The following ARMC9 variants were observed in gnomAD, a reference collection of about 807,000 sequenced individuals.
ARMC9 encodes the protein lisH domain-containing protein ARMC9.
Under a neutral mutation model 107.0 loss-of-function variants are expected in ARMC9, and 94 were observed. The observed-to-expected ratio is 0.88, with a 90% CI of 0.74 to 1.04. The LOEUF is 1.04. Among genes scored for constraint, ARMC9 ranks in the 50% least tolerant of loss-of-function variants. The probability of loss-of-function intolerance (pLI) is 0.00; values close to 1 mark genes in which losing one functional copy is unlikely to be tolerated. For synonymous variants in ARMC9, 380 were observed against 396.9 expected (o/e 0.96, Z 0.51); for missense variants, 942 against 1,030.1 (o/e 0.91, Z 1.17).
At chr2:231,223,857 C>T (rs753191267) in intron 6 of ARMC9, among the ~76,000 whole-genome samples, 20 of 152,306 alleles carry the variant, frequency 1.3e-4, no homozygotes, top group South Asian at 2.1e-4. Context: ...CTACATACCA[C>T]GATGTTTGCA....
chr2:231,338,992 A>G (rs1433999834), intron 20 of ARMC9, among the ~76,000 whole-genome samples: 1 of 152,224 alleles, frequency 6.6e-6, no homozygotes, highest in East Asian at 1.9e-4. Flanking sequence ...TTTTGGCCTC[A>G]CATTTAGTTC....
intron 17 of ARMC9, among the ~76,000 whole-genome samples, chr2:231,282,497 C>T (rs992582435): frequency 1.1e-4 from 16 of 152,236 alleles, no homozygotes; most frequent in African/African-American, 3.6e-4. Flanking sequence ...TGTACGTTAA[C>T]GCTTGTATGT....
At chr2:231,320,267 T>C (rs1294080810) in intron 19 of ARMC9, among the ~76,000 whole-genome samples, 6 of 152,178 alleles carry the variant, frequency 3.9e-5, no homozygotes, top group Admixed American at 3.9e-4. Context: ...CACCTAGATG[T>C]TGAATTGCTG....
intron 14 of ARMC9, among the ~76,000 whole-genome samples, chr2:231,273,861 A>C (rs1046904151): frequency 2.0e-5 from 3 of 152,162 alleles, no homozygotes; most frequent in African/African-American, 7.2e-5. Flanking sequence ...GCACATTTCC[A>C]TCACCACAAA....
At chr2:231,280,286 C>G (rs1431000021) in intron 16 of ARMC9, among the ~76,000 whole-genome samples, 3 of 152,074 alleles carry the variant, frequency 2.0e-5, no homozygotes, top group African/African-American at 7.2e-5. Flanking sequence ...GAAACCCCTT[C>G]TCTCCCACTG....
Position 231,222,837 on chromosome 2 carries a change from A to G in ARMC9, c.597+17A>G. 2.0e-6 allele frequency: 3 copies of G among 1,493,024 alleles called. No homozygotes were observed. In the South Asian group the frequency reaches 3.6e-5, roughly 18 times the overall value. 92.5% of individuals were successfully genotyped at this position (1,493,024 alleles called of 1,614,324 possible). A position where few individuals can be genotyped will look rare whatever the true frequency, so the allele number is the denominator to read the frequency against. On this transcript the variant is annotated intron_variant, in intron 6 of 24. Coordinates refer to ENST00000611582, the MANE Select transcript of ARMC9 (RefSeq NM_001352754.2). ...ACAATATATGTATCCTTTTGAAGCAAATAGAGACCACCTATGGTTTTAGAG... is the reference window on the plus strand; with the variant it reads ...ACAATATATGTATCCTTTTGAAGCAGATAGAGACCACCTATGGTTTTAGAG...
intron 21 of ARMC9, among the ~76,000 whole-genome samples, chr2:231,346,580 ATCTC>A (rs778258278): frequency 2.6e-5 from 4 of 152,004 alleles, no homozygotes; most frequent in African/African-American, 9.7e-5. Context: ...TGTGTGCCCT[ATCTC>A]TCTCTCTTGC....
intron 17 of ARMC9, among the ~76,000 whole-genome samples, chr2:231,290,845 A>C (rs2040936592): frequency 6.6e-6 from 1 of 152,080 alleles, no homozygotes; most frequent in Admixed American, 6.5e-5. Flanking sequence ...AAAATCCAGA[A>C]GACAGTTTAT....
At chr2:231,299,341 A>G (rs1178930787) in intron 19 of ARMC9, among the ~76,000 whole-genome samples, 2 of 152,250 alleles carry the variant, frequency 1.3e-5, no homozygotes, top group African/African-American at 2.4e-5. Context: ...GTATGTGCCT[A>G]TGTAGCGGAA....
chr2:231,351,844 T>C (rs530870349), intron 21 of ARMC9, among the ~76,000 whole-genome samples: 1 of 152,162 alleles, frequency 6.6e-6, no homozygotes, highest in Non-Finnish European at 1.5e-5. Flanking sequence ...AAAAAAATTA[T>C]GACCCTCCCT....
In ARMC9 at chr2:231,370,124, G is replaced by A. The variant is rs1322943210; in HGVS notation, c.2433G>A (p.Pro811=). ...GSTASSTRGL[P]SSQSHRK ...CAGCGTCCTCCACAAGGGGCCTGCC[G>A]AGTAAGTCAGCCTGGGCCCCACTGG... Residue 811 remains proline, a splice_region_variant and synonymous_variant, in exon 24 of 25, where the codon CCG becomes CCA. Coordinates refer to ENST00000611582, the MANE Select transcript of ARMC9 (RefSeq NM_001352754.2). The A allele has an allele frequency of 3.9e-6, 6 of 1,524,006 alleles. No individual in the cohort carries two copies. The highest frequency in any genetic ancestry group is 2.0e-5 in the Admixed American group (1 of 49,790). The allele number at this position is 1,524,006 out of a possible 1,614,324, so 94.4% of individuals were successfully genotyped here.
Position 231,355,932 on chromosome 2 carries a change from C to T in ARMC9, c.2129C>T (p.Ser710Leu). The T allele has an allele frequency of 6.5e-7, 1 of 1,534,974 alleles. No individual in the cohort carries two copies. The highest frequency in any genetic ancestry group is 8.7e-7 in the Non-Finnish European group (1 of 1,146,016). ...ACCCCGGAGTCCTGCGTCTCCTCTT[C>T]ATGTAAGAATGTGGGCAGCACACTG... ...PSTPESCVSSSSAIIAKPGEW... is the reference protein window; with the variant it reads ...PSTPESCVSSLSAIIAKPGEW... Residue 710 changes from serine (S) to leucine (L), a missense_variant and splice_region_variant, in exon 22 of 25, where the codon TCA becomes TTA. Transcript: ENST00000611582.
intron 19 of ARMC9, among the ~76,000 whole-genome samples, chr2:231,308,994 C>T (rs2042188825): frequency 6.6e-6 from 1 of 152,230 alleles, no homozygotes; most frequent in South Asian, 2.1e-4. Context: ...AAGTGTCTGT[C>T]TTATGTCTGT....
intron 19 of ARMC9, among the ~76,000 whole-genome samples, chr2:231,306,172 A>G (rs2125502806): frequency 6.6e-6 from 1 of 152,362 alleles, no homozygotes; most frequent in South Asian, 2.1e-4. Flanking sequence ...TCCATGAGTC[A>G]GAGAACTTTC....
intron 12 of ARMC9, among the ~76,000 whole-genome samples, chr2:231,270,220 A>AC (rs370027224): frequency 1.3e-4 from 20 of 150,608 alleles, no homozygotes; most frequent in African/African-American, 4.2e-4. Flanking sequence ...TTAGACACTA[A>AC]CCCCCCTCTC....
intron 23 of ARMC9, among the ~76,000 whole-genome samples, chr2:231,367,964 G>A (rs1398281930): frequency 9.0e-5 from 13 of 144,292 alleles, no homozygotes; most frequent in Non-Finnish European, 1.9e-4. Flanking sequence ...TGGGCAACGA[G>A]CAAAACTCCA....
At chr2:231,225,856 ATGATTGAT>A (rs962983505) in intron 6 of ARMC9, among the ~76,000 whole-genome samples, 18 of 152,150 alleles carry the variant, frequency 1.2e-4, no homozygotes, top group African/African-American at 4.3e-4. Context: ...ACATTGATTG[ATGATTGAT>A]TGATTGATTG....
chr2:231,208,863 G>A (rs1399080400), intron 3 of ARMC9, among the ~76,000 whole-genome samples: 2 of 152,064 alleles, frequency 1.3e-5, no homozygotes, highest in Non-Finnish European at 2.9e-5. Flanking sequence ...AAACCCAGGA[G>A]TTCAAGACCA....
At chr2:231,250,218 G>A (rs1464860669) in intron 9 of ARMC9, among the ~76,000 whole-genome samples, 1 of 152,202 alleles carries the variant, frequency 6.6e-6, no homozygotes, top group Non-Finnish European at 1.5e-5. Flanking sequence ...TGTTAGCTCA[G>A]TGAGGGAAAT....
Sources: gnomAD v4.1 joint callset for allele counts (sites outside exome capture counted in the v4.1 genomes callset) on GRCh38, gnomAD v4.1.1 for gene constraint, MANE v1.5 for transcripts, NCBI Gene and HGNC (gene_info 2026-07-23, HGNC 2026-07-21) for gene names.